Variants in RGS6 observed in about 807,000 individuals in gnomAD.
RGS6 encodes regulator of G-protein signaling 6.
In RGS6, 30 loss-of-function variants were observed where a neutral mutation model predicts 78.5. The observed-to-expected ratio is 0.38, with a 90% CI of 0.29 to 0.52. RGS6 has a LOEUF of 0.52. RGS6 is among the 20% of genes least tolerant of loss of function. The pLI, the probability that RGS6 is intolerant of heterozygous loss-of-function variation, is 0.85. For missense variants in RGS6, 495 were observed against 609.7 expected, an observed-to-expected ratio of 0.81 and a Z score of 1.98; for synonymous variants, 206 against 206.0, an observed-to-expected ratio of 1.00 and a Z score of 0.00.
chr14:72,033,602 C>T lies in RGS6; in HGVS notation c.84+68727C>T, dbSNP rs371561242. Among the ~76,000 whole-genome samples the T allele has an allele frequency of 2.6e-5, 4 of 152,002 alleles. No individual in the cohort carries two copies. In the South Asian group the frequency reaches 8.3e-4, roughly 31 times the overall value. ...AAATGGTGGCTCTTTGCCACTGCCC[C>T]GAATCATAAGCGAGTATGTTACTGT... On this transcript the variant is annotated intron_variant, in intron 2 of 17. Transcript: ENST00000553525.
At chr14:72,040,386 T>C (rs1368522224) in intron 2 of RGS6, among the ~76,000 whole-genome samples, 1 of 151,974 alleles carries the variant, frequency 6.6e-6, no homozygotes, top group Non-Finnish European at 1.5e-5. Context: ...TTGGCCATGG[T>C]ATTTTGTGTT....
intron 2 of RGS6, among the ~76,000 whole-genome samples, chr14:72,053,682 G>A (rs2093463412): frequency 6.6e-6 from 1 of 152,206 alleles, no homozygotes; most frequent in Admixed American, 6.5e-5. Context: ...ATACAAAGTA[G>A]GAGTTTAAGA....
intron 1 of RGS6, among the ~76,000 whole-genome samples, chr14:71,959,072 T>C (rs1423869476): frequency 3.3e-5 from 5 of 152,314 alleles, no homozygotes; most frequent in African/African-American, 9.6e-5. Flanking sequence ...TACTTTAAGA[T>C]CTTGGTGCAT....
At chr14:72,213,157 A>C (rs1303436970) in intron 2 of RGS6, among the ~76,000 whole-genome samples, 1 of 152,212 alleles carries the variant, frequency 6.6e-6, no homozygotes, top group Non-Finnish European at 1.5e-5. Context: ...GGGGAAAGAT[A>C]ATCTTACCAA....
At chr14:72,332,647 C>T (rs1262867182) in intron 2 of RGS6, among the ~76,000 whole-genome samples, 3 of 152,186 alleles carry the variant, frequency 2.0e-5, no homozygotes, top group Non-Finnish European at 4.4e-5. Flanking sequence ...CTTCTGCAAG[C>T]ACCCAGCTCC....
intron 2 of RGS6, among the ~76,000 whole-genome samples, chr14:72,323,404 T>C (rs987927735): frequency 6.6e-5 from 10 of 151,506 alleles, no homozygotes; most frequent in African/African-American, 2.4e-4. Flanking sequence ...AGATGTCTTA[T>C]CTAAATTAAG....
At chr14:71,875,037 C>T in the RGS6 span, among the ~76,000 whole-genome samples, 22 of 152,230 alleles carry the variant, frequency 1.4e-4, no homozygotes, top group East Asian at 1.2e-3. Context: ...CTACTGGATT[C>T]GGTTTGCCAG....
chr14:72,624,647 A>G, the RGS6 span, among the ~76,000 whole-genome samples: 1 of 152,086 alleles, frequency 6.6e-6, no homozygotes, highest in East Asian at 1.9e-4. Context: ...CCCCCAACCT[A>G]TGTCTCTTTA....
chr14:72,617,745 C>T, the RGS6 span, among the ~76,000 whole-genome samples: 5 of 152,172 alleles, frequency 3.3e-5, no homozygotes, highest in Non-Finnish European at 7.3e-5. Context: ...AATACTGCGG[C>T]CGGGCAGAGG....
intron 2 of RGS6, among the ~76,000 whole-genome samples, chr14:72,038,745 AT>A (rs967239947): frequency 2.6e-5 from 4 of 152,108 alleles, no homozygotes; most frequent in Admixed American, 6.6e-5. Context: ...AATATGATCC[AT>A]TTTTTTACAT....
At chr14:72,117,430 C>A (rs1014771095) in intron 2 of RGS6, among the ~76,000 whole-genome samples, 5 of 151,710 alleles carry the variant, frequency 3.3e-5, no homozygotes, top group African/African-American at 1.2e-4. Context: ...TGCATTGGCT[C>A]CCCCCCACCC....
chr14:72,276,632 G>C (rs368262116), intron 2 of RGS6, among the ~76,000 whole-genome samples: 8 of 152,076 alleles, frequency 5.3e-5, no homozygotes, highest in African/African-American at 1.4e-4. Context: ...TACTGTTTTC[G>C]TGGTAGTGAA....
At chr14:72,536,818 G>A (rs8011793) in intron 16 of RGS6, among the ~76,000 whole-genome samples, 3,300 of 152,068 alleles carry the variant, frequency 0.022, 120 homozygotes, top group African/African-American at 0.075. Flanking sequence ...TTCCTCTCCC[G>A]CACCTGCCCC....
the RGS6 span, among the ~76,000 whole-genome samples, chr14:71,914,135 C>T: frequency 6.6e-6 from 1 of 152,186 alleles, no homozygotes; most frequent in Admixed American, 6.5e-5. Flanking sequence ...CTCTCCTGGT[C>T]CTCTCTCCCT....
intron 12 of RGS6, among the ~76,000 whole-genome samples, chr14:72,484,126 A>C (rs1160224638): frequency 2.0e-5 from 3 of 152,180 alleles, no homozygotes; most frequent in Admixed American, 2.0e-4. Context: ...CATGTAGCAG[A>C]GCGAGGCGTG....
At chr14:72,323,613 C>T (rs1435923425) in intron 2 of RGS6, among the ~76,000 whole-genome samples, 1 of 151,088 alleles carries the variant, frequency 6.6e-6, no homozygotes, top group Non-Finnish European at 1.5e-5. Context: ...ACCTGCCTGG[C>T]CAATATGGTA....
intron 2 of RGS6, among the ~76,000 whole-genome samples, chr14:72,289,553 TTACTCAA>T (rs2063204824): frequency 6.6e-6 from 1 of 152,162 alleles, no homozygotes; most frequent in African/African-American, 2.4e-5. Context: ...TATTGTTGAA[TTACTCAA>T]TGCCTATTAT....
chr14:72,572,907 G>A, the RGS6 span, among the ~76,000 whole-genome samples: 1 of 151,910 alleles, frequency 6.6e-6, no homozygotes, highest in Non-Finnish European at 1.5e-5. Flanking sequence ...GGAAAGGAGA[G>A]GGGGAAGAGA....
At chr14:72,247,027 G>A (rs993705438) in intron 2 of RGS6, among the ~76,000 whole-genome samples, 8 of 152,082 alleles carry the variant, frequency 5.3e-5, no homozygotes, top group Non-Finnish European at 1.2e-4. Context: ...ACCTGCCCAG[G>A]CTCTCTCCTC....
Sources: gnomAD v4.1 joint callset for allele counts (sites outside exome capture counted in the v4.1 genomes callset) on GRCh38, gnomAD v4.1.1 for gene constraint, MANE v1.5 for transcripts, NCBI Gene and HGNC (gene_info 2026-07-23, HGNC 2026-07-21) for gene names.